The following OBP2B variants were observed in gnomAD, a reference collection of about 807,000 sequenced individuals.
OBP2B encodes the protein odorant binding protein 2B.
A neutral mutation model predicts 21.7 loss-of-function variants in OBP2B; 10 were observed. The ratio of observed to expected loss-of-function variants is 0.46; its 90% CI spans 0.28 to 0.78. The LOEUF is 0.78. OBP2B is among the 30% of genes least tolerant of loss of function. The pLI, the probability that OBP2B is intolerant of heterozygous loss-of-function variation, is 0.11. For missense variants in OBP2B, 153 were observed against 217.7 expected, an observed-to-expected ratio of 0.70 and a Z score of 1.87; for synonymous variants, 73 against 91.5, an observed-to-expected ratio of 0.80 and a Z score of 1.16.
upstream of OBP2B, among the ~76,000 whole-genome samples, chr9:133,209,847 C>T (rs369822691): frequency 5.9e-5 from 9 of 152,258 alleles, no homozygotes; most frequent in South Asian, 1.5e-3. The surrounding 1 kb of genome is among the most constrained non-coding windows in gnomAD (Gnocchi z 6.0). Context: ...ACGGCCTCCT[C>T]GGGCCATATG....
chr9:133,216,365 G>A, the OBP2B span, among the ~76,000 whole-genome samples: 2 of 151,090 alleles, frequency 1.3e-5, no homozygotes, highest in African/African-American at 4.9e-5. Flanking sequence ...GCAAATAAAA[G>A]CCATGATATA....
intron 3 of OBP2B, chr9:133,207,827 A>G: frequency 2.7e-6 from 4 of 1,461,174 alleles, no homozygotes; most frequent in East Asian, 2.8e-5. Context: ...CCTAACCCTC[A>G]GCCTCCCCGT....
At chr9:133,206,284 G>T in intron 5 of OBP2B, 31 bp downstream of exon 5, 1 of 1,595,380 alleles carries the variant, frequency 6.3e-7, no homozygotes, top group Non-Finnish European at 8.6e-7. Context: ...ACAGCAGAGG[G>T]ACACAGGGGA....
the OBP2B span, among the ~76,000 whole-genome samples, chr9:133,218,966 A>C: frequency 6.6e-6 from 1 of 152,234 alleles, no homozygotes; most frequent in African/African-American, 2.4e-5. Context: ...GTAAAGAAGG[A>C]TTCCAAGGAA....
chr9:133,212,185 T>C (rs1429105189), upstream of OBP2B, among the ~76,000 whole-genome samples: 5 of 152,164 alleles, frequency 3.3e-5, no homozygotes, highest in African/African-American at 7.2e-5. Context: ...AGCTGCACAA[T>C]ATGTGAAGCA....
chr9:133,216,505 C>A, the OBP2B span, among the ~76,000 whole-genome samples: 1 of 150,846 alleles, frequency 6.6e-6, no homozygotes, highest in South Asian at 2.1e-4. Context: ...AACCCTGCAA[C>A]AAGCATAGAA....
the OBP2B span, among the ~76,000 whole-genome samples, chr9:133,215,476 G>T: frequency 2.0e-5 from 3 of 151,892 alleles, no homozygotes; most frequent in Non-Finnish European, 2.9e-5. Context: ...TTTTTTTTAA[G>T]AATAAAGTGG....
At chr9:133,208,447 C>T (rs782396132) in intron 2 of OBP2B, 22 bp downstream of exon 2, 17 of 1,610,320 alleles carry the variant, frequency 1.1e-5, no homozygotes, top group Non-Finnish European at 1.4e-5. Flanking sequence ...GCCTGAGGGG[C>T]CCTGCAGTGG....
chr9:133,215,286 G>A, the OBP2B span, among the ~76,000 whole-genome samples: 1 of 152,118 alleles, frequency 6.6e-6, no homozygotes, highest in East Asian at 1.9e-4. Context: ...TAAACAAATG[G>A]AGAGATGTGC....
At chr9:133,220,193 G>T in the OBP2B span, among the ~76,000 whole-genome samples, 1 of 152,178 alleles carries the variant, frequency 6.6e-6, no homozygotes, top group Non-Finnish European at 1.5e-5. Flanking sequence ...AGTGGTGATG[G>T]TTTCACAGCC....
chr9:133,207,899 C>T (rs1168585501), intron 3 of OBP2B: 1 of 1,531,654 alleles, frequency 6.5e-7, no homozygotes, highest in South Asian at 1.2e-5. Flanking sequence ...TGGCTAGGGC[C>T]TCCCAGAGGG....
the OBP2B span, among the ~76,000 whole-genome samples, chr9:133,215,177 C>T: frequency 6.6e-6 from 1 of 152,062 alleles, no homozygotes; most frequent in East Asian, 1.9e-4. Flanking sequence ...CTTATAGTGG[C>T]TAAAAAAAAG....
upstream of OBP2B, among the ~76,000 whole-genome samples, chr9:133,211,798 C>T (rs1314593536): frequency 6.6e-6 from 1 of 152,130 alleles, no homozygotes; most frequent in Non-Finnish European, 1.5e-5. Flanking sequence ...TTGTTCTAAG[C>T]CACCCAGTTG....
intron 3 of OBP2B, chr9:133,207,850 G>A: frequency 6.6e-7 from 1 of 1,506,134 alleles, no homozygotes. Context: ...CTAATCCTTG[G>A]CCTCCTTGTC....
chr9:133,219,461 A>T, the OBP2B span, among the ~76,000 whole-genome samples: 4 of 152,248 alleles, frequency 2.6e-5, no homozygotes, highest in East Asian at 7.7e-4. Flanking sequence ...AAGGGAAATG[A>T]ATAGACTTTC....
chr9:133,210,586 C>T (rs1337710666), upstream of OBP2B, among the ~76,000 whole-genome samples: 5 of 151,952 alleles, frequency 3.3e-5, no homozygotes, highest in East Asian at 3.9e-4. Flanking sequence ...CCAGGCACCT[C>T]GTATTTCATT....
rs781903293 is a variant in OBP2B, at chr9:133,207,285, T to C, written c.329A>G (p.Tyr110Cys). 14 of 1,613,858 alleles carry C rather than the reference T, an allele frequency of 8.7e-6. No homozygotes were observed. In the South Asian group the frequency reaches 1.3e-4, roughly 15 times the overall value. ...YLQELPRRDH[Y>C]IFYCKDQHHG... ...GTGCTGGTCTTTGCAGTAAAAGATG[T>C]AGTGGTCCCTCCTGGGCAGCTCCTG... is the stretch of plus-strand genomic sequence containing the variant. Residue 110 changes from tyrosine (Y) to cysteine (C), a missense_variant, in exon 4 of 7, where the codon TAC (tyrosine) becomes TGC (cysteine). By Grantham distance (194) the Tyr-to-Cys change is radical (BLOSUM62 -2). Around this residue, in one of 2 missense-constraint regions of OBP2B, gnomAD observed 151 missense variants for 186.3 expected, o/e 0.81. Transcript: ENST00000372034.
rs1564287265 is a variant in OBP2B, at chr9:133,209,086, G to A, written c.72+42C>T. ...CCCTGGCACTGCCCCCTGCCCAGGAGTCCGCCTGGCTCCTCCATCCGCCCA... is the reference window on the plus strand; with the variant it reads ...CCCTGGCACTGCCCCCTGCCCAGGAATCCGCCTGGCTCCTCCATCCGCCCA... On this transcript the variant is annotated intron_variant, in intron 1 of 6. Transcript: ENST00000372034. This position sits in a 1 kb window ranked among gnomAD's most constrained non-coding sequence, Gnocchi z 6.0. 1.9e-6 allele frequency: 3 copies of A among 1,612,456 alleles called. No homozygotes were observed. Among genetic ancestry groups the A allele is most frequent in the South Asian group, 1.1e-5 (1 of 90,786 alleles).
chr9:133,221,596 C>T, the OBP2B span, among the ~76,000 whole-genome samples: 2 of 152,118 alleles, frequency 1.3e-5, no homozygotes, highest in Non-Finnish European at 2.9e-5. Flanking sequence ...GCGGGGACTG[C>T]CTGACTGATC....
Sources: allele counts gnomAD v4.1 joint callset (sites outside exome capture counted in the v4.1 genomes callset), GRCh38; gene constraint gnomAD v4.1.1; regional missense constraint gnomAD v4.1.1; non-coding constraint Gnocchi (gnomAD v3.1); transcripts MANE v1.5; gene names NCBI Gene and HGNC (gene_info 2026-07-23, HGNC 2026-07-21).